Variants in TRAF1 observed in about 807,000 individuals in gnomAD.
TRAF1 encodes TNF receptor associated factor 1, also known as TNF receptor-associated factor 1.
Under a neutral mutation model 40.9 loss-of-function variants are expected in TRAF1, and 23 were observed. The ratio of observed to expected loss-of-function variants is 0.56; its 90% CI spans 0.40 to 0.80. TRAF1 has a LOEUF of 0.80. TRAF1 is among the 30% of genes least tolerant of loss of function. TRAF1 has a pLI of 0.00. For synonymous variants in TRAF1, 206 were observed against 218.8 expected (o/e 0.94, Z 0.52); for missense variants, 477 against 528.7 (o/e 0.90, Z 0.96).
upstream of TRAF1, chr9:120,927,172 G>C (rs987011752): frequency 2.6e-5 from 4 of 152,166 alleles, no homozygotes; most frequent in Non-Finnish European, 5.9e-5. Flanking sequence ...CCAGGGCTGT[G>C]GGGCCCCAAG....
chr9:120,914,594 A>C, intron 3 of TRAF1: 1 of 1,067,802 alleles, frequency 9.4e-7, no homozygotes, highest in Non-Finnish European at 1.1e-6. Context: ...GGTTGCCCCG[A>C]CTGGTCGGGG....
chr9:120,909,616 T>G (rs915954342), intron 6 of TRAF1, among the ~76,000 whole-genome samples: 16 of 152,174 alleles, frequency 1.1e-4, no homozygotes, highest in Non-Finnish European at 4.4e-5. Flanking sequence ...CCTCAGAGTT[T>G]CTCACTCAGT....
intron 3 of TRAF1, among the ~76,000 whole-genome samples, chr9:120,917,059 C>T (rs2046574377): frequency 6.6e-6 from 1 of 152,112 alleles, no homozygotes; most frequent in Non-Finnish European, 1.5e-5. Context: ...CAGACATCAC[C>T]CCGCAGGTGG....
chr9:120,913,834 T>C, intron 4 of TRAF1, 96 bp from the exon 5 acceptor site: 1 of 1,384,962 alleles, frequency 7.2e-7, no homozygotes, highest in South Asian at 1.4e-5. Flanking sequence ...CAAGGATTAT[T>C]CATTCACCCA....
chr9:120,923,616 CA>C (rs1428633852), intron 3 of TRAF1, 88 bp downstream of exon 3: 16 of 1,262,638 alleles, frequency 1.3e-5, no homozygotes, highest in Non-Finnish European at 1.7e-5. Flanking sequence ...AGGTGCCTGC[CA>C]GGGGTGGAGT....
chr9:120,913,236 A>G, intron 5 of TRAF1, 92 bp downstream of exon 5: 1 of 1,433,186 alleles, frequency 7.0e-7, no homozygotes, highest in Non-Finnish European at 9.3e-7. Context: ...TGCTGTAAGC[A>G]GGATGAATGA....
intron 3 of TRAF1, among the ~76,000 whole-genome samples, chr9:120,919,877 A>G (rs986120744): frequency 6.6e-6 from 1 of 152,200 alleles, no homozygotes; most frequent in Non-Finnish European, 1.5e-5. Flanking sequence ...TAGAGGCAGC[A>G]TAGAGAAGAT....
intron 3 of TRAF1, among the ~76,000 whole-genome samples, chr9:120,919,304 C>T (rs1175033694): frequency 1.3e-5 from 2 of 152,212 alleles, no homozygotes; most frequent in African/African-American, 4.8e-5. Context: ...AGGGAACACT[C>T]GTTCTTCTGT....
At chr9:120,913,787 C>G (rs763606908) in intron 4 of TRAF1, 49 bp from the exon 5 acceptor site, 1 of 1,509,634 alleles carries the variant, frequency 6.6e-7, no homozygotes, top group Admixed American at 2.2e-5. Flanking sequence ...GGAGTGAGGA[C>G]AGGGGAGCAG....
chr9:120,928,773 G>A (rs2046656778), upstream of TRAF1: 1 of 152,314 alleles, frequency 6.6e-6, no homozygotes, highest in Non-Finnish European at 1.5e-5. Flanking sequence ...CCGCCGCCCG[G>A]CTCTGCAGGC....
intron 2 of TRAF1, 83 bp downstream of exon 2, chr9:120,925,853 G>T: frequency 6.3e-7 from 1 of 1,584,492 alleles, no homozygotes; most frequent in Admixed American, 1.8e-5. Flanking sequence ...TGAAGTCACA[G>T]GCTCCTCTGC....
chr9:120,922,139 G>A (rs1337152477), intron 3 of TRAF1, among the ~76,000 whole-genome samples: 2 of 152,220 alleles, frequency 1.3e-5, no homozygotes, highest in Admixed American at 6.5e-5. Context: ...TAGAGAGGGC[G>A]GCTGAGCAAC....
In TRAF1 at chr9:120,902,832, C is replaced by A. The variant is rs941662803; in HGVS notation, c.*2188G>T. On this transcript the variant is annotated 3_prime_UTR_variant, in exon 8 of 8. Transcript: ENST00000373887. ...CCACTGAACTAAGAGTTTCTTGAGT[C>A]CAGAGTGCACATCTTGCCTTTCTCC... 1 of 152,214 alleles carries A rather than the reference C, an allele frequency of 6.6e-6. No individual in the cohort carries two copies. Among genetic ancestry groups the A allele is most frequent in the African/African-American group, 2.4e-5 (1 of 41,444 alleles). The allele number at this position is 152,214 out of a possible 1,614,324, so 9.4% of individuals were successfully genotyped here. A position where few individuals can be genotyped will look rare whatever the true frequency, so the allele number is the denominator to read the frequency against.
At chr9:120,911,258 C>T (rs2046523998) in intron 6 of TRAF1, 78 bp downstream of exon 6, 6 of 1,497,592 alleles carry the variant, frequency 4.0e-6, no homozygotes. Flanking sequence ...ACAGAGCTGG[C>T]AGTTTTCACT....
At chr9:120,910,599 G>C (rs1415950515) in intron 6 of TRAF1, among the ~76,000 whole-genome samples, 1 of 152,088 alleles carries the variant, frequency 6.6e-6, no homozygotes, top group Non-Finnish European at 1.5e-5. Flanking sequence ...ATCTTGTTAC[G>C]TTGCCCAGGC....
intron 3 of TRAF1, among the ~76,000 whole-genome samples, chr9:120,916,606 CAT>C (rs1052645216): frequency 1.1e-4 from 17 of 152,106 alleles, no homozygotes; most frequent in African/African-American, 4.1e-4. Context: ...TTAAAAGTAA[CAT>C]AACCAGAGAG....
rs116775748 is a variant in TRAF1, at chr9:120,915,678, T to A, written c.229-1378A>T. Among the ~76,000 whole-genome samples, 1,480 of 151,942 alleles carry A rather than the reference T, an allele frequency of 9.7e-3. 27 individuals carry two copies. The highest frequency in any genetic ancestry group is 0.034 in the African/African-American group (1,394 of 41,418). ...GAGACCTCATCTCTACTTAAAAAAA[T>A]TTTTTAATTAGCAGTCTTGGTGGCG... On this transcript the variant is annotated intron_variant, in intron 3 of 7. Transcript: ENST00000373887.
upstream of TRAF1, chr9:120,927,461 A>G (rs2046648503): frequency 6.6e-6 from 1 of 152,164 alleles, no homozygotes; most frequent in East Asian, 1.9e-4. Context: ...TATTTCACCC[A>G]TTTGTTGTGA....
intron 6 of TRAF1, among the ~76,000 whole-genome samples, 183 bp from the exon 7 acceptor site, chr9:120,909,561 G>A (rs1296867078): frequency 2.0e-5 from 3 of 152,182 alleles, no homozygotes; most frequent in Non-Finnish European, 2.9e-5. Flanking sequence ...ATCTAGCTTA[G>A]TGTTTGTCAG....
Sources: allele counts gnomAD v4.1 joint callset (sites outside exome capture counted in the v4.1 genomes callset), GRCh38; gene constraint gnomAD v4.1.1; transcripts MANE v1.5; gene names NCBI Gene and HGNC (gene_info 2026-07-23, HGNC 2026-07-21).